The following DNAH11 variants were observed in gnomAD, a reference collection of about 807,000 sequenced individuals.
DNAH11 encodes dynein axonemal heavy chain 11.
A neutral mutation model predicts 526.0 loss-of-function variants in DNAH11; 442 were observed. That is an observed-to-expected ratio of 0.84 (90% CI 0.78 to 0.91). The LOEUF (loss-of-function observed/expected upper bound fraction) is 0.91. DNAH11 is among the 40% of genes least tolerant of loss of function. The pLI, the probability that DNAH11 is intolerant of heterozygous loss-of-function variation, is 0.00. For missense variants in DNAH11, 6,989 were observed against 5,448.7 expected (o/e 1.28, Z -8.90); for synonymous variants, 2,461 against 1,935.9 (o/e 1.27, Z -7.12).
intron 61 of DNAH11, among the ~76,000 whole-genome samples, chr7:21,796,911 T>A (rs752520826): frequency 5.3e-5 from 8 of 152,204 alleles, no homozygotes; most frequent in Non-Finnish European, 1.5e-5. Flanking sequence ...ATTTTATTTT[T>A]TTTACAAACA....
rs940553736 is a variant in DNAH11 at position 21,774,175 on chromosome 7, C to T, written c.9336+176C>T. On this transcript the variant is annotated intron_variant, in intron 56 of 81. Coordinates refer to ENST00000409508, the MANE Select transcript of DNAH11 (RefSeq NM_001277115.2). ...TTCAAAAGCCTACAATGGGATTGGC[C>T]GACTCACAGCTGGATTAGGGTGAAA... Among the ~76,000 whole-genome samples, 4 of 152,046 alleles carry T rather than the reference C, an allele frequency of 2.6e-5. No homozygotes were observed. In the East Asian group the frequency reaches 5.8e-4, roughly 22 times the overall value.
intron 2 of DNAH11, among the ~76,000 whole-genome samples, chr7:21,545,926 A>C (rs1262044667): frequency 6.6e-6 from 1 of 152,168 alleles, no homozygotes; most frequent in African/African-American, 2.4e-5. Flanking sequence ...AACTTGTAAC[A>C]CAATGCCCCA....
Position 21,757,600 on chromosome 7 carries a change from C to A in DNAH11, c.8940+7236C>A, listed in dbSNP as rs564371801. 4.6e-5 allele frequency among the ~76,000 whole-genome samples: 7 copies of A among 152,168 alleles called. 1 individual carries two copies. The South Asian group carries it at 1.5e-3, about 32-fold the overall frequency. ...ATCTGCAGGATGCTTTTCTATTTTT[C>A]TTGGTTTTGTAAAGTATTTCTTCCT... On this transcript the variant is annotated intron_variant, in intron 54 of 81. Transcript: ENST00000409508.
chr7:21,881,437 A>G (rs949262960), intron 75 of DNAH11, among the ~76,000 whole-genome samples: 4 of 152,222 alleles, frequency 2.6e-5, no homozygotes, highest in African/African-American at 9.6e-5. Context: ...TAGATGAATG[A>G]TTTTATTTCG....
chr7:21,572,078 C>G lies in DNAH11; in HGVS notation c.1593+105C>G. 6 of 1,011,902 alleles carry G rather than the reference C, an allele frequency of 5.9e-6. No individual in the cohort carries two copies. In the South Asian group the frequency reaches 1.9e-4, roughly 32 times the overall value. 62.7% of individuals were successfully genotyped at this position (1,011,902 alleles called of 1,614,324 possible). On this transcript the variant is annotated intron_variant, in intron 8 of 81. Transcript: ENST00000409508. ...ATAGGGACCATCCATTCCAATATCTCTAGGACCAAAAGAGGTTACATGACT... is the reference window on the plus strand; with the variant it reads ...ATAGGGACCATCCATTCCAATATCTGTAGGACCAAAAGAGGTTACATGACT...
chr7:21,691,052 T>C (rs1783595682), intron 35 of DNAH11, among the ~76,000 whole-genome samples, 171 bp downstream of exon 35: 1 of 152,242 alleles, frequency 6.6e-6, no homozygotes, highest in Non-Finnish European at 1.5e-5. Context: ...ATTAACCCTT[T>C]TGAATTATAA....
chr7:21,734,164 A>T (rs566830330), intron 45 of DNAH11, among the ~76,000 whole-genome samples: 2 of 152,326 alleles, frequency 1.3e-5, no homozygotes, highest in South Asian at 4.1e-4. Flanking sequence ...ACTAGTAGCT[A>T]TGACCTTGAC....
At chr7:21,590,142 G>T (rs1292053067) in intron 12 of DNAH11, among the ~76,000 whole-genome samples, 2 of 151,842 alleles carry the variant, frequency 1.3e-5, no homozygotes, top group East Asian at 3.9e-4. Context: ...GTAACAATGG[G>T]ATTTTTGTTA....
chr7:21,631,191 C>G (rs2140583), intron 25 of DNAH11, among the ~76,000 whole-genome samples: 2 of 151,954 alleles, frequency 1.3e-5, no homozygotes, highest in African/African-American at 4.8e-5. Flanking sequence ...TTCACAGTCA[C>G]GAGAACAGCA....
chr7:21,787,174 G>T (rs550570522), intron 59 of DNAH11, among the ~76,000 whole-genome samples: 96 of 152,262 alleles, frequency 6.3e-4, no homozygotes, highest in African/African-American at 2.1e-3. Flanking sequence ...AATACCTCCT[G>T]TGCTGGGACT....
At chr7:21,577,887 C>T (rs1784160607) in intron 8 of DNAH11, among the ~76,000 whole-genome samples, 1 of 152,112 alleles carries the variant, frequency 6.6e-6, no homozygotes, top group Admixed American at 6.5e-5. Flanking sequence ...TTTGGAATTA[C>T]TTGAAAAAGA....
Position 21,749,707 on chromosome 7 carries a change from T to C in DNAH11, c.8703T>C (p.Thr2901=). Residue 2901 remains threonine (T), a synonymous_variant, in exon 53 of 82, where the codon ACT becomes ACC. Coordinates refer to ENST00000409508, the MANE Select transcript of DNAH11 (RefSeq NM_001277115.2). The stretch of plus-strand genomic sequence containing the variant: ...ATCTTGCCAATTTGTACATCCGAAC[T>C]GGAGCCAAGAACATGCCCACTGTGT... ...RVDLANLYIR[T]GAKNMPTVFL... 2 of 1,613,974 alleles carry C rather than the reference T, an allele frequency of 1.2e-6. No individual in the cohort carries two copies. The highest frequency in any genetic ancestry group is 1.7e-6 in the Non-Finnish European group (2 of 1,179,864).
At chr7:21,801,615 C>T (rs1006322923) in intron 62 of DNAH11, among the ~76,000 whole-genome samples, 1 of 152,172 alleles carries the variant, frequency 6.6e-6, no homozygotes, top group South Asian at 2.1e-4. Context: ...TCTACTTTCT[C>T]TCTTCCTTTC....
chr7:21,845,879 A>G (rs149636832), intron 66 of DNAH11, among the ~76,000 whole-genome samples: 1 of 152,326 alleles, frequency 6.6e-6, no homozygotes, highest in African/African-American at 2.4e-5. Context: ...AACATGCAAT[A>G]TCTCTCCATT....
intron 28 of DNAH11, among the ~76,000 whole-genome samples, chr7:21,639,411 G>T (rs1787019553): frequency 6.6e-6 from 1 of 152,150 alleles, no homozygotes; most frequent in Non-Finnish European, 1.5e-5. Flanking sequence ...GGGAGAAAGG[G>T]TCACTTGGAA....
At position 21,581,904 on chromosome 7, in the gene DNAH11, G is replaced by A; in HGVS notation, c.1594-1G>A. 6.3e-7 allele frequency: 1 copy of A among 1,578,066 alleles called. No homozygotes were observed. The highest frequency in any genetic ancestry group is 8.7e-7 in the Non-Finnish European group (1 of 1,152,572). ...CTAATATTTCACTTTGAATTTTACA[G>A]GAGTTTGAAAGTGATTATGTGGCAT... On this transcript the variant is annotated splice_acceptor_variant, in intron 8 of 81. Coordinates refer to ENST00000409508, the MANE Select transcript of DNAH11 (RefSeq NM_001277115.2). LOFTEE classifies it high-confidence loss of function.
intron 45 of DNAH11, among the ~76,000 whole-genome samples, chr7:21,734,857 C>G (rs575172949): frequency 6.7e-6 from 1 of 149,714 alleles, no homozygotes; most frequent in Admixed American, 6.7e-5. Context: ...GACCCTGTCT[C>G]AAAAAAAATA....
Position 21,564,172 on chromosome 7 carries a change from T to C in DNAH11, c.983-14T>C, listed in dbSNP as rs1783572861. 16 of 1,537,904 alleles carry C rather than the reference T, an allele frequency of 1.0e-5. No individual in the cohort carries two copies. Among genetic ancestry groups the C allele is most frequent in the Non-Finnish European group, 1.4e-5 (16 of 1,143,746 alleles). ...CAAACCAGAATCACGTTAATGGTGG[T>C]TCTTTGCTTTCAGCTCTTCTCGAAG... is the stretch of plus-strand genomic sequence containing the variant. On this transcript the variant is annotated splice_polypyrimidine_tract_variant and intron_variant, in intron 5 of 81. Coordinates refer to ENST00000409508, the MANE Select transcript of DNAH11 (RefSeq NM_001277115.2).
intron 68 of DNAH11, among the ~76,000 whole-genome samples, chr7:21,856,968 G>C (rs1302831282): frequency 1.3e-5 from 2 of 152,136 alleles, no homozygotes. Flanking sequence ...CGCTGCACTG[G>C]AAGTTATAGT....
Sources: allele counts gnomAD v4.1 joint callset (sites outside exome capture counted in the v4.1 genomes callset), GRCh38; gene constraint gnomAD v4.1.1; transcripts MANE v1.5; gene names NCBI Gene and HGNC (gene_info 2026-07-23, HGNC 2026-07-21).